Variants in DYNLT2B observed in about 807,000 individuals in gnomAD.
DYNLT2B encodes the protein dynein light chain Tctex-type 2B.
A neutral mutation model predicts 19.5 loss-of-function variants in DYNLT2B; 14 were observed. That is an observed-to-expected ratio of 0.72 (90% CI 0.47 to 1.12). DYNLT2B has a LOEUF of 1.12. Among genes scored for constraint, DYNLT2B ranks in the 50% most tolerant of loss-of-function variants. DYNLT2B has a pLI of 0.00. For missense variants in DYNLT2B, 133 were observed against 174.7 expected, an observed-to-expected ratio of 0.76 and a Z score of 1.35; for synonymous variants, 70 against 59.7, an observed-to-expected ratio of 1.17 and a Z score of -0.79.
intron 2 of DYNLT2B, among the ~76,000 whole-genome samples, chr3:196,312,924 G>C (rs1332137259): frequency 6.6e-6 from 1 of 152,144 alleles, no homozygotes; most frequent in Non-Finnish European, 1.5e-5. Flanking sequence ...GGCTGAGGCA[G>C]GAGAATCACT....
At chr3:196,316,587 TA>T (rs998682407) in intron 1 of DYNLT2B, among the ~76,000 whole-genome samples, 26 of 151,992 alleles carry the variant, frequency 1.7e-4, no homozygotes, top group African/African-American at 6.3e-4. Context: ...TAAAATAAAA[TA>T]AAAAAATACG....
At chr3:196,304,312 T>C (rs955489829) in intron 3 of DYNLT2B, among the ~76,000 whole-genome samples, 1 of 152,056 alleles carries the variant, frequency 6.6e-6, no homozygotes, top group Non-Finnish European at 1.5e-5. Context: ...TTTGTAATTT[T>C]AGTAGAGACA....
Position 196,302,506 on chromosome 3 carries a change from AAAAT to A in DYNLT2B, c.317+4433_317+4436del, listed in dbSNP as rs1198159217. On this transcript the variant is annotated intron_variant, in intron 3 of 4. Transcript: ENST00000325318. Reference sequence around the variant, plus strand: ...GCCAAGCTGGAACAATTAGAACTACAAAATAAATAAAGTAGTATTGAATAATCAT... The same window carrying A: ...GCCAAGCTGGAACAATTAGAACTACAAAATAAAGTAGTATTGAATAATCAT... Among the ~76,000 whole-genome samples, 27 of 152,378 alleles carry A rather than the reference AAAAT, an allele frequency of 1.8e-4. 1 individual carries two copies. The highest frequency in any genetic ancestry group is 5.8e-4 in the African/African-American group (24 of 41,598).
chr3:196,312,524 T>A (rs1238179108), intron 2 of DYNLT2B, among the ~76,000 whole-genome samples: 2 of 152,152 alleles, frequency 1.3e-5, no homozygotes, highest in Non-Finnish European at 2.9e-5. Flanking sequence ...AGTGGCACTA[T>A]CTCGGCTCAC....
At chr3:196,295,799 T>A (rs543057920) in intron 4 of DYNLT2B, among the ~76,000 whole-genome samples, 5 of 152,342 alleles carry the variant, frequency 3.3e-5, no homozygotes, top group South Asian at 2.1e-4. Context: ...TTATGTCATA[T>A]GTAAACATGT....
At chr3:196,314,117 T>C (rs1209754988) in intron 2 of DYNLT2B, among the ~76,000 whole-genome samples, 2 of 151,782 alleles carry the variant, frequency 1.3e-5, no homozygotes, top group Non-Finnish European at 2.9e-5. Context: ...ACCTTATGGA[T>C]ACTTTTTTGT....
chr3:196,316,032 G>A (rs1379846855), intron 2 of DYNLT2B, 66 bp downstream of exon 2: 5 of 1,542,830 alleles, frequency 3.2e-6, no homozygotes, highest in Non-Finnish European at 4.4e-6. Flanking sequence ...AAGATGGAGA[G>A]GGGGCAAATG....
intron 3 of DYNLT2B, among the ~76,000 whole-genome samples, chr3:196,299,316 C>A (rs1726293391): frequency 6.6e-6 from 1 of 151,872 alleles, no homozygotes; most frequent in African/African-American, 2.4e-5. Context: ...AATTCTTGAC[C>A]TCAAGTGATC....
intron 3 of DYNLT2B, among the ~76,000 whole-genome samples, chr3:196,299,209 C>T (rs1726290828): frequency 6.6e-6 from 1 of 152,026 alleles, no homozygotes; most frequent in African/African-American, 2.4e-5. Flanking sequence ...CTCAGCCTCC[C>T]AAGTAGCTGG....
intron 2 of DYNLT2B, among the ~76,000 whole-genome samples, chr3:196,312,707 G>A (rs1203161657): frequency 6.6e-6 from 1 of 151,852 alleles, no homozygotes; most frequent in Non-Finnish European, 1.5e-5. Flanking sequence ...GATCCACCCG[G>A]CTCCGCCTCC....
At chr3:196,315,123 C>G (rs1214056912) in intron 2 of DYNLT2B, 1 of 369,444 alleles carries the variant, frequency 2.7e-6, no homozygotes, top group Non-Finnish European at 5.2e-6. Flanking sequence ...CTCTTTTCCC[C>G]CATCTGCAAA....
chr3:196,305,014 C>T (rs1726450403), intron 3 of DYNLT2B, among the ~76,000 whole-genome samples: 2 of 152,166 alleles, frequency 1.3e-5, no homozygotes. Context: ...TCTCAAGTAG[C>T]TGGGACCACA....
At chr3:196,299,003 C>T (rs111853910) in intron 3 of DYNLT2B, among the ~76,000 whole-genome samples, 1,538 of 152,252 alleles carry the variant, frequency 0.01, 30 homozygotes, top group African/African-American at 0.035. Flanking sequence ...CCTCTGCCTC[C>T]CCAGGCCAAG....
At chr3:196,316,068 TGA>T (rs1726783310) in intron 2 of DYNLT2B, 28 bp downstream of exon 2, 1 of 1,607,000 alleles carries the variant, frequency 6.2e-7, no homozygotes, top group African/African-American at 1.3e-5. Context: ...GTGAAGAGAA[TGA>T]GTCATTTCCA....
At position 196,318,048 on chromosome 3, in the gene DYNLT2B, G is replaced by GA. The variant is rs1304382790; in HGVS notation, c.104dup (p.Gln36ProfsTer10). The GA allele has an allele frequency of 5.2e-6, 8 of 1,533,234 alleles. No homozygotes were observed. The highest frequency in any genetic ancestry group is 2.8e-5 in the African/African-American group (2 of 70,272). The allele number at this position is 1,533,234 out of a possible 1,614,324, so 95.0% of individuals were successfully genotyped here. ...GCCCGTCCTCTACCCGCCTCTGCTG[G>GA]AAAACAGGCCGCAGAATATAGGTGT... On this transcript the variant is annotated frameshift_variant, in exon 1 of 5. Transcript: ENST00000325318. LOFTEE classifies it high-confidence loss of function.
chr3:196,308,750 T>TC (rs1429303105), intron 2 of DYNLT2B, among the ~76,000 whole-genome samples: 1 of 151,932 alleles, frequency 6.6e-6, no homozygotes, highest in Non-Finnish European at 1.5e-5. Flanking sequence ...AAAGACAGAG[T>TC]CCAAGTTATT....
chr3:196,315,193 T>G (rs554077550), intron 2 of DYNLT2B: 2 of 424,406 alleles, frequency 4.7e-6, no homozygotes, highest in Non-Finnish European at 9.2e-6. Flanking sequence ...AAGAAAAAGT[T>G]GTCTTTAATA....
rs573662432 is a variant in DYNLT2B at position 196,318,215 on chromosome 3, G to T, written c.-63C>A. 9 of 987,802 alleles carry T rather than the reference G, an allele frequency of 9.1e-6. No individual in the cohort carries two copies. Among genetic ancestry groups the T allele is most frequent in the East Asian group, 3.3e-5 (1 of 30,756 alleles). 61.2% of individuals were successfully genotyped at this position (987,802 alleles called of 1,614,324 possible). On this transcript the variant is annotated 5_prime_UTR_variant, in exon 1 of 5. Transcript: ENST00000325318. ...GGCCTAGCGGGTTGCGGTCGCGGCC[G>T]GCAGCAGGGAAAGCGTCTCCAGGGC...
intron 2 of DYNLT2B, 94 bp from the exon 3 acceptor site, chr3:196,307,106 T>C (rs1462058933): frequency 1.4e-5 from 15 of 1,048,590 alleles, no homozygotes; most frequent in Non-Finnish European, 2.2e-5. Context: ...AAACATTCAA[T>C]CCACAAGTAC....
Sources: gnomAD v4.1 joint callset for allele counts (sites outside exome capture counted in the v4.1 genomes callset) on GRCh38, gnomAD v4.1.1 for gene constraint, MANE v1.5 for transcripts, NCBI Gene and HGNC (gene_info 2026-07-23, HGNC 2026-07-21) for gene names.